The following DIAPH2 variants were observed in gnomAD, a reference collection of about 807,000 sequenced individuals.
DIAPH2 encodes the protein protein diaphanous homolog 2.
A neutral mutation model predicts 92.7 loss-of-function variants in DIAPH2; 35 were observed. That is an observed-to-expected ratio of 0.38 (90% CI 0.29 to 0.50). DIAPH2 has a LOEUF of 0.50. DIAPH2 is among the 20% of genes least tolerant of loss of function. DIAPH2 has a pLI of 0.94. For synonymous variants in DIAPH2, 301 were observed against 280.4 expected (o/e 1.07, Z -0.73); for missense variants, 701 against 819.5 (o/e 0.86, Z 1.77).
At chrX:96,896,001 A>T (rs1569422552) in intron 5 of DIAPH2, among the ~76,000 whole-genome samples, 1 of 111,895 alleles carries the variant, frequency 8.9e-6, no homozygotes, top group Non-Finnish European at 1.9e-5. Flanking sequence ...CCAAATACCA[A>T]CTAATAGTTA....
chrX:97,344,376 C>T (rs1302636372), intron 23 of DIAPH2, among the ~76,000 whole-genome samples: 1 of 112,025 alleles, frequency 8.9e-6, no homozygotes, highest in Non-Finnish European at 1.9e-5. Context: ...TGCCACTGCA[C>T]TCCAGCCTGA....
chrX:97,087,190 A>G (rs1346383016), intron 19 of DIAPH2, among the ~76,000 whole-genome samples: 2 of 112,058 alleles, frequency 1.8e-5, no homozygotes, highest in Admixed American at 1.9e-4. Flanking sequence ...GCAGCATTTT[A>G]GTAAAATGAA....
intron 1 of DIAPH2, among the ~76,000 whole-genome samples, chrX:96,687,378 TTTGG>T (rs758679502): frequency 4.0e-4 from 45 of 112,322 alleles, no homozygotes; most frequent in African/African-American, 1.5e-3. Context: ...GCTTGTGTAG[TTTGG>T]TTGTTTTCAT....
intron 26 of DIAPH2, among the ~76,000 whole-genome samples, chrX:97,576,236 C>A (rs2071398935): frequency 9.0e-6 from 1 of 111,603 alleles, no homozygotes; most frequent in South Asian, 3.8e-4. Flanking sequence ...AAAGGTCACT[C>A]ACCAGGCAAG....
At chrX:97,193,100 C>T (rs1470553728) in intron 22 of DIAPH2, among the ~76,000 whole-genome samples, 1 of 104,084 alleles carries the variant, frequency 9.6e-6, no homozygotes, top group African/African-American at 3.6e-5. Context: ...GCAGCCTCGA[C>T]CTCCTGGGCT....
intron 23 of DIAPH2, among the ~76,000 whole-genome samples, chrX:97,275,851 A>G (rs1160601973): frequency 7.2e-5 from 8 of 111,094 alleles, no homozygotes; most frequent in Non-Finnish European, 1.3e-4. Context: ...CCAGGCAGAG[A>G]CGCTCCTTGC....
At chrX:96,782,420 C>T (rs444898) in intron 4 of DIAPH2, among the ~76,000 whole-genome samples, 2 of 109,803 alleles carry the variant, frequency 1.8e-5, no homozygotes, top group Non-Finnish European at 3.8e-5. Context: ...CTCAGCCTCC[C>T]GAGTAGCTGG....
chrX:97,524,225 G>A (rs759375116), intron 26 of DIAPH2, among the ~76,000 whole-genome samples: 6 of 111,910 alleles, frequency 5.4e-5, no homozygotes, highest in African/African-American at 1.9e-4. Flanking sequence ...ACAGTGTTTG[G>A]CAAATATTTA....
chrX:97,212,601 T>TC (rs2147506993), intron 22 of DIAPH2, among the ~76,000 whole-genome samples: 1 of 107,015 alleles, frequency 9.3e-6, no homozygotes, highest in East Asian at 2.9e-4. Flanking sequence ...TTTTTTTTTT[T>TC]TTTTTTTCAA....
At chrX:96,939,601 TACACACAC>T (rs774399164) in intron 12 of DIAPH2, among the ~76,000 whole-genome samples, 1 of 62,219 alleles carries the variant, frequency 1.6e-5, no homozygotes, top group Non-Finnish European at 3.1e-5. Context: ...TGTGTGTATA[TACACACAC>T]ACACACATAT....
chrX:97,263,807 G>A (rs1409582360), intron 23 of DIAPH2, among the ~76,000 whole-genome samples: 1 of 109,324 alleles, frequency 9.1e-6, no homozygotes, highest in Non-Finnish European at 1.9e-5. Context: ...GGCTGGTCTC[G>A]AACTCCTGAC....
intron 4 of DIAPH2, among the ~76,000 whole-genome samples, chrX:96,766,676 G>GAT (rs929404743): frequency 5.4e-5 from 6 of 111,955 alleles, no homozygotes; most frequent in Non-Finnish European, 9.4e-5. Flanking sequence ...TTTGCCCAGA[G>GAT]ATTACGTACA....
At position 97,600,217 on chromosome X, in the gene DIAPH2, T is replaced by G. The variant is rs1174631770; in HGVS notation, c.*900T>G. ...TTGATTCCTATGCTCTGTGGTTTAT[T>G]TCTTTTTTCTATTGCTTCTTTCTCC... On this transcript the variant is annotated 3_prime_UTR_variant, in exon 27 of 27. Coordinates refer to ENST00000324765, the MANE Select transcript of DIAPH2 (RefSeq NM_006729.5). 1 of 112,245 alleles carries G rather than the reference T, an allele frequency of 8.9e-6. No individual in the cohort carries two copies. The highest frequency in any genetic ancestry group is 2.8e-4 in the East Asian group (1 of 3,601). 9.3% of individuals were successfully genotyped at this position (112,245 alleles called of 1,213,427 possible). A position where few individuals can be genotyped will look rare whatever the true frequency, so the allele number is the denominator to read the frequency against.
At chrX:96,692,525 C>T (rs2063803180) in intron 1 of DIAPH2, among the ~76,000 whole-genome samples, 1 of 111,898 alleles carries the variant, frequency 8.9e-6, no homozygotes, top group Admixed American at 9.5e-5. Context: ...ATCATAAAGC[C>T]TCAGCCCAAA....
At chrX:97,585,913 C>G (rs1483750618) in intron 26 of DIAPH2, among the ~76,000 whole-genome samples, 1 of 111,949 alleles carries the variant, frequency 8.9e-6, no homozygotes, top group Non-Finnish European at 1.9e-5. Flanking sequence ...TTCAAAATAT[C>G]TACTCCCCTG....
chrX:96,990,947 TA>T (rs969710326), intron 17 of DIAPH2, among the ~76,000 whole-genome samples: 4 of 110,056 alleles, frequency 3.6e-5, no homozygotes, highest in Non-Finnish European at 5.7e-5. Flanking sequence ...TTTTGTTCAT[TA>T]AAAAAAAATT....
intron 26 of DIAPH2, among the ~76,000 whole-genome samples, chrX:97,598,149 G>A (rs1010603651): frequency 1.1e-4 from 12 of 111,593 alleles, no homozygotes; most frequent in South Asian, 7.6e-4. Context: ...TTAGTTGGGC[G>A]TCATCATCTC....
intron 4 of DIAPH2, among the ~76,000 whole-genome samples, chrX:96,790,924 G>A (rs1320119461): frequency 9.0e-6 from 1 of 111,429 alleles, no homozygotes; most frequent in Non-Finnish European, 1.9e-5. Context: ...GAGATTCAAT[G>A]TACTCCTCAT....
chrX:96,846,680 A>C (rs2064974608), intron 4 of DIAPH2, among the ~76,000 whole-genome samples: 1 of 111,712 alleles, frequency 9.0e-6, no homozygotes, highest in Non-Finnish European at 1.9e-5. Context: ...GGCTGAATGA[A>C]TCAATAATGC....
Sources: gnomAD v4.1 joint callset for allele counts (sites outside exome capture counted in the v4.1 genomes callset) on GRCh38, gnomAD v4.1.1 for gene constraint, MANE v1.5 for transcripts, NCBI Gene and HGNC (gene_info 2026-07-23, HGNC 2026-07-21) for gene names.